Variants in ZNF148 observed in about 807,000 individuals in gnomAD.
ZNF148 encodes the protein Beta-Enolase Repressor Factor-1.
A neutral mutation model predicts 67.7 loss-of-function variants in ZNF148; 7 were observed. The observed-to-expected ratio is 0.10, with a 90% CI of 0.06 to 0.19. The LOEUF is 0.19. Among genes scored for constraint, ZNF148 ranks in the 10% least tolerant of loss-of-function variants. ZNF148 has a pLI of 1.00. For missense variants in ZNF148, 583 were observed against 947.1 expected, an observed-to-expected ratio of 0.62 and a Z score of 5.05; for synonymous variants, 333 against 330.7, an observed-to-expected ratio of 1.01 and a Z score of -0.08.
intron 4 of ZNF148, among the ~76,000 whole-genome samples, chr3:125,310,642 TAGAG>T (rs987363596): frequency 2.6e-5 from 4 of 151,052 alleles, no homozygotes; most frequent in Non-Finnish European, 4.4e-5. Context: ...AAATAGGAAA[TAGAG>T]GGAAAAAAAT....
At position 125,231,060 on chromosome 3, in the gene ZNF148, A is replaced by C. The variant is rs1410591099; in HGVS notation, c.*1281T>G. ...ATTTAGATTTTGAAATGCAACAAAA[A>C]TTTTCCGATCACTCATCTAGCTGAA... On this transcript the variant is annotated 3_prime_UTR_variant, in exon 9 of 9. Transcript: ENST00000360647. The C allele has an allele frequency of 6.6e-6, 1 of 152,460 alleles. No homozygotes were observed. Among genetic ancestry groups the C allele is most frequent in the African/African-American group, 2.4e-5 (1 of 41,426 alleles). The allele number at this position is 152,460 out of a possible 1,614,324, so 9.4% of individuals were successfully genotyped here.
chr3:125,287,729 C>A lies in ZNF148; in HGVS notation c.459+374G>T, dbSNP rs185478119. On this transcript the variant is annotated intron_variant, in intron 5 of 8. Coordinates refer to ENST00000360647, the MANE Select transcript of ZNF148 (RefSeq NM_021964.3). ...AGCTGTGAACAAAATGAAGTCCCTG[C>A]CCTCATGAAGTTTACATCCTATTAA... Among the ~76,000 whole-genome samples the A allele has an allele frequency of 2.5e-3, 382 of 152,238 alleles. 4 individuals are homozygous for A. The highest frequency in any genetic ancestry group is 1.5e-3 in the Non-Finnish European group (100 of 68,010).
At chr3:125,321,715 A>G (rs1274496359) in intron 3 of ZNF148, among the ~76,000 whole-genome samples, 4 of 152,180 alleles carry the variant, frequency 2.6e-5, no homozygotes, top group African/African-American at 4.8e-5. Context: ...AGAATCTGAC[A>G]TTCTGTTGGA....
chr3:125,361,389 T>G (rs1942538013), intron 1 of ZNF148, among the ~76,000 whole-genome samples: 2 of 152,022 alleles, frequency 1.3e-5, no homozygotes, highest in Non-Finnish European at 1.5e-5. Context: ...CCCAATAACT[T>G]CAATTCTGCT....
rs12485473 is a variant in ZNF148, at chr3:125,331,092, T to C, written c.-153+66A>G. 0.57 allele frequency: 228,499 copies of C among 398,032 alleles called. 67,903 individuals carry two copies. The highest frequency in any genetic ancestry group is 0.7 in the Middle Eastern group (1,118 of 1,588). The allele number at this position is 398,032 out of a possible 1,614,324, so 24.7% of individuals were successfully genotyped here. A position where few individuals can be genotyped will look rare whatever the true frequency, so the allele number is the denominator to read the frequency against. On this transcript the variant is annotated intron_variant, in intron 2 of 8. Coordinates refer to ENST00000360647, the MANE Select transcript of ZNF148 (RefSeq NM_021964.3). The stretch of plus-strand genomic sequence containing the variant: ...TTATACCCAACAGTTATTGTAAGTA[T>C]GTGTAGTAACATGGGCATCCATTAC...
At chr3:125,301,869 G>C (rs773959875) in intron 4 of ZNF148, among the ~76,000 whole-genome samples, 4 of 152,072 alleles carry the variant, frequency 2.6e-5, no homozygotes, top group Non-Finnish European at 5.9e-5. Flanking sequence ...TTCAAGACCA[G>C]CCTGGCCAAC....
rs777845706 is a variant in ZNF148 at position 125,226,386 on chromosome 3, T to G, written c.*5955A>C. On this transcript the variant is annotated 3_prime_UTR_variant, in exon 9 of 9. Coordinates refer to ENST00000360647, the MANE Select transcript of ZNF148 (RefSeq NM_021964.3). ...ATCCATAAAACTGTATTCTATATTTTATTTTTCAAACAGCCAGTGTCCACA... is the reference window on the plus strand; with the variant it reads ...ATCCATAAAACTGTATTCTATATTTGATTTTTCAAACAGCCAGTGTCCACA... The G allele has an allele frequency of 6.6e-6, 1 of 152,336 alleles. No homozygotes were observed. Among genetic ancestry groups the G allele is most frequent in the Non-Finnish European group, 1.5e-5 (1 of 68,024 alleles). 9.4% of individuals were successfully genotyped at this position (152,336 alleles called of 1,614,324 possible). A position where few individuals can be genotyped will look rare whatever the true frequency, so the allele number is the denominator to read the frequency against.
intron 7 of ZNF148, among the ~76,000 whole-genome samples, chr3:125,241,663 A>T (rs966123957): frequency 3.9e-5 from 6 of 152,212 alleles, no homozygotes; most frequent in Non-Finnish European, 5.9e-5. Flanking sequence ...CAATTTATTT[A>T]ATCAATCCTC....
At chr3:125,340,127 G>C (rs956223588) in intron 1 of ZNF148, among the ~76,000 whole-genome samples, 1 of 152,206 alleles carries the variant, frequency 6.6e-6, no homozygotes, top group African/African-American at 2.4e-5. Flanking sequence ...GAGCAGCAGA[G>C]TGTTTCATGT....
chr3:125,280,938 G>A, intron 5 of ZNF148, among the ~76,000 whole-genome samples: 1 of 152,036 alleles, frequency 6.6e-6, no homozygotes, highest in Non-Finnish European at 1.5e-5. Flanking sequence ...ATAAAGAACT[G>A]TGGAAACTGA....
intron 3 of ZNF148, among the ~76,000 whole-genome samples, chr3:125,318,221 T>A (rs1264141047): frequency 6.6e-6 from 1 of 152,266 alleles, no homozygotes; most frequent in East Asian, 1.9e-4. Context: ...AAAGGTCCCA[T>A]GCTCAAAAGC....
chr3:125,234,260 T>A lies in ZNF148; in HGVS notation c.737A>T (p.Lys246Met). Residue 246 changes from lysine to methionine, a missense_variant, in exon 8 of 9, where the codon AAG becomes ATG. Physicochemically the swap from Lys to Met is moderately conservative, Grantham distance 95. Transcript: ENST00000360647. ...AGGTTTTTCTCCACTATGAGTTCTC[T>A]TATGCCTTTCCATATGATATTTTTG... is the stretch of plus-strand genomic sequence containing the variant. ...FIQKYHMERH[K>M]RTHSGEKPYQ... The A allele has an allele frequency of 6.2e-7, 1 of 1,611,990 alleles. No homozygotes were observed. Among genetic ancestry groups the A allele is most frequent in the Non-Finnish European group, 8.5e-7 (1 of 1,178,806 alleles).
intron 7 of ZNF148, among the ~76,000 whole-genome samples, chr3:125,267,381 T>A (rs768639979): frequency 6.6e-6 from 1 of 152,132 alleles, no homozygotes; most frequent in Non-Finnish European, 1.5e-5. Flanking sequence ...TTTGATCAAG[T>A]ATGCTTTATT....
chr3:125,291,937 T>C (rs939937932), intron 4 of ZNF148, among the ~76,000 whole-genome samples: 4 of 152,160 alleles, frequency 2.6e-5, no homozygotes, highest in African/African-American at 7.2e-5. Context: ...ATAACTAGTT[T>C]AAATGTAAAA....
Position 125,233,995 on chromosome 3 carries a change from A to T in ZNF148, c.787-56T>A. ...TTTGTGGTTTTGGTCAACCAAGAAAAGAAAAAGTGAAACAAAACAATTAAT... is the reference window on the plus strand; with the variant it reads ...TTTGTGGTTTTGGTCAACCAAGAAATGAAAAAGTGAAACAAAACAATTAAT... On this transcript the variant is annotated intron_variant, in intron 8 of 8. Transcript: ENST00000360647. This position sits in a 1 kb window ranked among gnomAD's most constrained non-coding sequence, Gnocchi z 5.1. 1.3e-6 allele frequency: 2 copies of T among 1,521,204 alleles called. No homozygotes were observed. Among genetic ancestry groups the T allele is most frequent in the South Asian group, 2.7e-5 (2 of 74,114 alleles). The allele number at this position is 1,521,204 out of a possible 1,614,324, so 94.2% of individuals were successfully genotyped here.
chr3:125,359,277 C>T (rs921747163), intron 1 of ZNF148, among the ~76,000 whole-genome samples: 2 of 152,230 alleles, frequency 1.3e-5, no homozygotes, highest in African/African-American at 4.8e-5. Flanking sequence ...GTGATGAAAG[C>T]CCAGGGCTAA....
At chr3:125,254,440 G>C (rs1426834070) in intron 7 of ZNF148, among the ~76,000 whole-genome samples, 2 of 152,056 alleles carry the variant, frequency 1.3e-5, no homozygotes, top group Non-Finnish European at 2.9e-5. Flanking sequence ...CAGATACTTT[G>C]GTCTCTTGTA....
chr3:125,270,978 T>TA (rs1326274866), intron 7 of ZNF148, among the ~76,000 whole-genome samples: 2 of 152,208 alleles, frequency 1.3e-5, no homozygotes, highest in African/African-American at 2.4e-5. Context: ...CCATTTGTTT[T>TA]AAAAAAATTT....
chr3:125,329,550 G>A (rs1223473851), intron 2 of ZNF148, among the ~76,000 whole-genome samples: 1 of 151,304 alleles, frequency 6.6e-6, no homozygotes, highest in Non-Finnish European at 1.5e-5. Flanking sequence ...TATAGCTGGG[G>A]TTTCACCATG....
Sources: gnomAD v4.1 joint callset for allele counts (sites outside exome capture counted in the v4.1 genomes callset) on GRCh38, gnomAD v4.1.1 for gene constraint, Gnocchi (gnomAD v3.1) non-coding constraint, MANE v1.5 for transcripts, NCBI Gene and HGNC (gene_info 2026-07-23, HGNC 2026-07-21) for gene names.